DENND4C: variants seen among roughly 807,000 people sequenced by gnomAD.
The protein encoded by DENND4C is DENN domain containing 4C.
Under a neutral mutation model 203.0 loss-of-function variants are expected in DENND4C, and 108 were observed. That is an observed-to-expected ratio of 0.53 (90% CI 0.46 to 0.62). The LOEUF (loss-of-function observed/expected upper bound fraction) is 0.62, where lower values mean the gene tolerates loss of function less well. Among genes scored for constraint, DENND4C ranks in the 20% least tolerant of loss-of-function variants. DENND4C has a pLI of 0.00. For missense variants in DENND4C, 2,481 were observed against 2,301.2 expected, an observed-to-expected ratio of 1.08 and a Z score of -1.60; for synonymous variants, 871 against 792.4, an observed-to-expected ratio of 1.10 and a Z score of -1.67.
chr9:19,302,107 A>G (rs1838713285), intron 9 of DENND4C, among the ~76,000 whole-genome samples: 1 of 152,224 alleles, frequency 6.6e-6, no homozygotes. Flanking sequence ...GCCAGAGTAT[A>G]TGAGGTTTAT....
intron 1 of DENND4C, among the ~76,000 whole-genome samples, chr9:19,253,956 C>G (rs535426090): frequency 1.3e-5 from 2 of 152,110 alleles, no homozygotes; most frequent in Admixed American, 1.3e-4. Context: ...GCCTACGCAA[C>G]ATAGTGAGAT....
chr9:19,282,509 C>T (rs1250439438), intron 2 of DENND4C, among the ~76,000 whole-genome samples: 1 of 147,864 alleles, frequency 6.8e-6, no homozygotes, highest in African/African-American at 2.5e-5. Context: ...TTGCCTTGGC[C>T]TCCCAAAGTG....
intron 27 of DENND4C, 91 bp downstream of exon 27, chr9:19,357,245 G>T (rs1376748259): frequency 7.8e-7 from 1 of 1,275,036 alleles, no homozygotes; most frequent in Non-Finnish European, 1.1e-6. Context: ...ACTCATATAG[G>T]CATAAGTTCT....
At chr9:19,370,076 C>A in intron 31 of DENND4C, 89 bp downstream of exon 31, 1 of 1,455,268 alleles carries the variant, frequency 6.9e-7, no homozygotes, top group Non-Finnish European at 9.6e-7. Flanking sequence ...CTCTAGTTGT[C>A]GAAGAAACAC....
Position 19,372,129 on chromosome 9 carries a change from A to G in DENND4C, c.5833A>G (p.Ser1945Gly), listed in dbSNP as rs758943460. 8.6e-5 allele frequency: 139 copies of G among 1,614,006 alleles called. No individual in the cohort carries two copies. Among genetic ancestry groups the G allele is most frequent in the Non-Finnish European group, 1.1e-4 (134 of 1,180,016 alleles). The change falls in exon 33 of 33, where the codon AGT becomes GGT. Residue 1945 changes from serine to glycine, a missense_variant. By Grantham distance (56) the Ser-to-Gly change is moderately conservative. This residue lies in a region of DENND4C where 2,289 missense variants were observed against 2,113.3 expected (regional missense o/e 1.08). Coordinates refer to ENST00000434457, the MANE Select transcript of DENND4C (RefSeq NM_001330640.2). Reference sequence around the variant, plus strand: ...GAAAATTGATGCTCCACCAAGTGCCAGTGTCGAGTGGTGCAGGAAGTGTTT... The same window carrying G: ...GAAAATTGATGCTCCACCAAGTGCCGGTGTCGAGTGGTGCAGGAAGTGTTT... The part of the protein sequence containing the change: ...LQKIDAPPSA[S>G]VEWCRKCFGA...
chr9:19,299,192 T>C, intron 7 of DENND4C, 37 bp from the exon 8 acceptor site: 3 of 1,488,930 alleles, frequency 2.0e-6, no homozygotes, highest in Non-Finnish European at 2.7e-6. Flanking sequence ...TTTGGTTAAT[T>C]TATCTTTGGT....
At position 19,373,913 on chromosome 9, in the gene DENND4C, G is replaced by A. The variant is rs770004989; in HGVS notation, c.*1740G>A. Among the ~76,000 whole-genome samples the A allele has an allele frequency of 5.3e-5, 8 of 152,092 alleles. No homozygotes were observed. The highest frequency in any genetic ancestry group is 1.2e-4 in the Non-Finnish European group (8 of 68,008). On this transcript the variant is annotated 3_prime_UTR_variant, in exon 33 of 33. Coordinates refer to ENST00000434457, the MANE Select transcript of DENND4C (RefSeq NM_001330640.2). ...AATCTGACCTATGCAGAATTCTAGTGTGAATTTATTGTGAAAATGCTAAAT... is the reference window on the plus strand; with the variant it reads ...AATCTGACCTATGCAGAATTCTAGTATGAATTTATTGTGAAAATGCTAAAT...
chr9:19,334,439 TG>T (rs1206842323), intron 17 of DENND4C, among the ~76,000 whole-genome samples: 1 of 152,094 alleles, frequency 6.6e-6, no homozygotes, highest in Non-Finnish European at 1.5e-5. Context: ...CTCAAACAAA[TG>T]GAACATGGAC....
At chr9:19,315,531 G>A (rs1336871255) in intron 10 of DENND4C, among the ~76,000 whole-genome samples, 1 of 150,318 alleles carries the variant, frequency 6.7e-6, no homozygotes, top group Admixed American at 6.6e-5. Flanking sequence ...ATGTATATAT[G>A]TATGTGTATA....
chr9:19,256,569 C>T (rs1309823386), intron 1 of DENND4C, among the ~76,000 whole-genome samples: 3 of 151,772 alleles, frequency 2.0e-5, no homozygotes, highest in African/African-American at 7.3e-5. Flanking sequence ...CCCGCCTCAG[C>T]CTTCCAAAGT....
chr9:19,286,578 G>T (rs1199712021), intron 2 of DENND4C, among the ~76,000 whole-genome samples, 191 bp from the exon 3 acceptor site: 1 of 152,064 alleles, frequency 6.6e-6, no homozygotes, highest in African/African-American at 2.4e-5. Flanking sequence ...GAGACTTGTA[G>T]TTCCCAAAGG....
chr9:19,328,657 G>GTCTGTCTATCTA (rs1456677474), intron 16 of DENND4C, among the ~76,000 whole-genome samples: 100 of 119,376 alleles, frequency 8.4e-4, no homozygotes, highest in African/African-American at 1.0e-3. Context: ...CTGTCTGTCT[G>GTCTGTCTATCTA]TCTATCTATC....
chr9:19,364,898 A>G (rs1827302389), intron 30 of DENND4C, among the ~76,000 whole-genome samples: 1 of 151,584 alleles, frequency 6.6e-6, no homozygotes, highest in Non-Finnish European at 1.5e-5. Context: ...GTCTCAAAAA[A>G]CAAAAAGAAA....
At chr9:19,347,186 C>T (rs926691384) in intron 23 of DENND4C, 100 bp downstream of exon 23, 8 of 1,225,812 alleles carry the variant, frequency 6.5e-6, no homozygotes, top group African/African-American at 3.0e-5. Flanking sequence ...TGTGCCCAGG[C>T]TGGAGTACAG....
intron 25 of DENND4C, 95 bp from the exon 26 acceptor site, chr9:19,352,395 C>A: frequency 4.7e-6 from 6 of 1,265,928 alleles, no homozygotes; most frequent in Non-Finnish European, 5.4e-6. Flanking sequence ...CAAATTTGAT[C>A]AGTAGAATAA....
chr9:19,326,031 G>A, intron 14 of DENND4C, 33 bp from the exon 15 acceptor site: 2 of 1,607,332 alleles, frequency 1.2e-6, no homozygotes, highest in African/African-American at 2.7e-5. Context: ...TTGTTTGTAT[G>A]CAAATTAATT....
intron 30 of DENND4C, among the ~76,000 whole-genome samples, chr9:19,367,996 G>T (rs907032351): frequency 6.6e-6 from 1 of 152,116 alleles, no homozygotes; most frequent in African/African-American, 2.4e-5. Flanking sequence ...GGGTTGAGAT[G>T]GGGTTTCTTT....
intron 16 of DENND4C, among the ~76,000 whole-genome samples, chr9:19,328,473 C>T (rs1312206931): frequency 1.3e-5 from 2 of 151,476 alleles, no homozygotes; most frequent in Non-Finnish European, 2.9e-5. Context: ...ATTAGCTGGG[C>T]GTGGTGTCAG....
At chr9:19,351,977 A>C (rs893506015) in intron 24 of DENND4C, 96 bp from the exon 25 acceptor site, 165 of 941,382 alleles carry the variant, frequency 1.8e-4, no homozygotes, top group Admixed American at 8.2e-5. Flanking sequence ...ACAGTTGCAG[A>C]CTTTATTCTG....
Sources: gnomAD v4.1 joint callset for allele counts (sites outside exome capture counted in the v4.1 genomes callset) on GRCh38, gnomAD v4.1.1 for gene constraint, gnomAD v4.1.1 regional missense constraint, MANE v1.5 for transcripts, NCBI Gene and HGNC (gene_info 2026-07-23, HGNC 2026-07-21) for gene names.